Variants in KPNA3 observed in about 807,000 individuals in gnomAD.
KPNA3 encodes karyopherin subunit alpha 3, also known as importin subunit alpha-4.
In KPNA3, 13 loss-of-function variants were observed where a neutral mutation model predicts 73.8. The observed-to-expected ratio is 0.18, with a 90% CI of 0.11 to 0.28. KPNA3 has a LOEUF of 0.28. Among genes scored for constraint, KPNA3 ranks in the 10% least tolerant of loss-of-function variants. The pLI is 1.00. For synonymous variants in KPNA3, 186 were observed against 206.9 expected (o/e 0.90, Z 0.87); for missense variants, 360 against 618.1 (o/e 0.58, Z 4.43).
intron 1 of KPNA3, among the ~76,000 whole-genome samples, chr13:49,755,722 C>T (rs1013580922): frequency 5.9e-5 from 9 of 152,012 alleles, no homozygotes; most frequent in East Asian, 5.8e-4. Context: ...ACCCAGGAGG[C>T]GGAGGTTGCA....
intron 15 of KPNA3, 57 bp from the exon 16 acceptor site, chr13:49,702,537 A>ATT: frequency 2.3e-6 from 2 of 868,380 alleles, no homozygotes; most frequent in Non-Finnish European, 3.7e-6. Context: ...ATACTAATCA[A>ATT]AACCACACTC....
At chr13:49,737,360 G>A (rs1169888481) in intron 2 of KPNA3, among the ~76,000 whole-genome samples, 3 of 152,090 alleles carry the variant, frequency 2.0e-5, no homozygotes, top group Admixed American at 6.6e-5. Context: ...CCAGCATTTG[G>A]TGTTGTCACT....
intron 1 of KPNA3, among the ~76,000 whole-genome samples, chr13:49,758,008 A>G (rs147098519): frequency 6.6e-6 from 1 of 152,266 alleles, no homozygotes; most frequent in African/African-American, 2.4e-5. Flanking sequence ...AGTTTTTAAT[A>G]AAAATTTTAA....
intron 1 of KPNA3, among the ~76,000 whole-genome samples, chr13:49,791,989 G>A (rs1448191393): frequency 6.6e-6 from 1 of 152,220 alleles, no homozygotes; most frequent in African/African-American, 2.4e-5. Context: ...GCAGAGCCGA[G>A]GCTCCATGTG....
At chr13:49,785,113 T>C (rs953324293) in intron 1 of KPNA3, among the ~76,000 whole-genome samples, 2 of 152,016 alleles carry the variant, frequency 1.3e-5, no homozygotes, top group African/African-American at 4.8e-5. Flanking sequence ...TGTATAAGCA[T>C]ATAAGAAGTT....
At chr13:49,774,398 A>G (rs1257479701) in intron 1 of KPNA3, among the ~76,000 whole-genome samples, 1 of 152,182 alleles carries the variant, frequency 6.6e-6, no homozygotes. Context: ...CTAGGCCTGG[A>G]TGTCCAGCTG....
chr13:49,747,002 G>T lies in KPNA3; in HGVS notation c.70-9C>A, dbSNP rs113049270. On this transcript the variant is annotated splice_polypyrimidine_tract_variant and intron_variant, in intron 1 of 16. Coordinates refer to ENST00000261667, the MANE Select transcript of KPNA3 (RefSeq NM_002267.4). ...CTATGTCTTCGCATTGTCTAGAAAA[G>T]AAAAACAAAGATTACAGATGTATCA... 1.3e-6 allele frequency: 2 copies of T among 1,596,636 alleles called. No individual in the cohort carries two copies. The highest frequency in any genetic ancestry group is 2.2e-5 in the East Asian group (1 of 44,762).
intron 1 of KPNA3, among the ~76,000 whole-genome samples, chr13:49,782,470 C>T (rs1276855531): frequency 6.6e-6 from 1 of 152,210 alleles, no homozygotes; most frequent in African/African-American, 2.4e-5. Flanking sequence ...CCACACTGTA[C>T]ACTAGCCATA....
chr13:49,792,451 C>T lies in KPNA3; in HGVS notation c.56G>A (p.Gly19Asp), dbSNP rs1451412824. ...NHRIKSFKNK[G>D]RDVETMRRHR... Reference sequence around the variant, plus strand: ...AAGCACACTCACTTCCACATCGCGGCCCTTGTTCTTGAAGCTCTTGATGCG... The same window carrying T: ...AAGCACACTCACTTCCACATCGCGGTCCTTGTTCTTGAAGCTCTTGATGCG... The change falls in exon 1 of 17, where the codon GGC (glycine) becomes GAC (aspartate). Residue 19 changes from glycine (G) to aspartate (D), a missense_variant. By Grantham distance (94) the Gly-to-Asp change is moderately conservative. Transcript: ENST00000261667. 2 of 1,580,214 alleles carry T rather than the reference C, an allele frequency of 1.3e-6. No individual in the cohort carries two copies.
intron 2 of KPNA3, among the ~76,000 whole-genome samples, chr13:49,742,090 G>C (rs896457247): frequency 3.0e-4 from 46 of 152,162 alleles, no homozygotes; most frequent in African/African-American, 1.1e-3. Flanking sequence ...ATAAGGGCCT[G>C]GTCTCATTCA....
intron 1 of KPNA3, among the ~76,000 whole-genome samples, chr13:49,762,101 G>A (rs894241709): frequency 1.7e-5 from 2 of 117,926 alleles, no homozygotes; most frequent in African/African-American, 8.1e-5. Flanking sequence ...CCATCCGGGA[G>A]GGAGGTGGGG....
At chr13:49,760,201 G>A (rs1425080584) in intron 1 of KPNA3, among the ~76,000 whole-genome samples, 1 of 152,086 alleles carries the variant, frequency 6.6e-6, no homozygotes, top group African/African-American at 2.4e-5. Context: ...CTTGAGCTCA[G>A]GAGTTCAAGA....
intron 1 of KPNA3, among the ~76,000 whole-genome samples, chr13:49,785,755 G>GAA (rs201824796): frequency 4.1e-5 from 6 of 146,830 alleles, no homozygotes; most frequent in South Asian, 2.1e-4. Context: ...GTGAATTCAT[G>GAA]AAAAAAAAAA....
intron 9 of KPNA3, 68 bp from the exon 10 acceptor site, chr13:49,719,887 G>A (rs1054581134): frequency 9.8e-7 from 1 of 1,017,568 alleles, no homozygotes; most frequent in African/African-American, 1.6e-5. Flanking sequence ...GAACAACTTT[G>A]ACATAAAAAG....
intron 1 of KPNA3, among the ~76,000 whole-genome samples, chr13:49,767,259 A>C (rs1446409187): frequency 6.6e-6 from 1 of 151,804 alleles, no homozygotes; most frequent in Non-Finnish European, 1.5e-5. Flanking sequence ...TCTACTAAAA[A>C]CACAAAAACT....
chr13:49,751,768 T>A (rs1211496364), intron 1 of KPNA3, among the ~76,000 whole-genome samples: 1 of 151,982 alleles, frequency 6.6e-6, no homozygotes, highest in Non-Finnish European at 1.5e-5. Context: ...ATTAGCCAGG[T>A]GTGGTGGCGT....
intron 2 of KPNA3, among the ~76,000 whole-genome samples, chr13:49,739,287 T>C (rs1295392679): frequency 6.6e-6 from 1 of 152,122 alleles, no homozygotes; most frequent in Non-Finnish European, 1.5e-5. Context: ...GTGCCAAAAG[T>C]TGAAAATATA....
intron 10 of KPNA3, among the ~76,000 whole-genome samples, chr13:49,714,159 G>A (rs1277729588): frequency 6.6e-6 from 1 of 152,066 alleles, no homozygotes; most frequent in African/African-American, 2.4e-5. Context: ...AAGAGTGAGT[G>A]AACAACAGTG....
intron 12 of KPNA3, 93 bp from the exon 13 acceptor site, chr13:49,706,465 C>A (rs1954208429): frequency 2.4e-6 from 2 of 832,580 alleles, no homozygotes; most frequent in South Asian, 3.7e-5. Context: ...AACAAAATCA[C>A]CTGAATTACG....
Sources: gnomAD v4.1 joint callset for allele counts (sites outside exome capture counted in the v4.1 genomes callset) on GRCh38, gnomAD v4.1.1 for gene constraint, MANE v1.5 for transcripts, NCBI Gene and HGNC (gene_info 2026-07-23, HGNC 2026-07-21) for gene names.